Variants in CLCA4 observed in about 807,000 individuals in gnomAD.
CLCA4 encodes chloride channel accessory 4, also known as calcium-activated chloride channel regulator 4.
Under a neutral mutation model 78.9 loss-of-function variants are expected in CLCA4, and 69 were observed. That is an observed-to-expected ratio of 0.87 (90% CI 0.72 to 1.07). The LOEUF is 1.07. CLCA4 is among the 50% of genes least tolerant of loss of function. CLCA4 has a pLI of 0.00. For synonymous variants in CLCA4, 362 were observed against 375.8 expected (o/e 0.96, Z 0.42); for missense variants, 1,133 against 1,095.8 (o/e 1.03, Z -0.48).
chr1:86,560,812 C>A (rs1005464397), intron 3 of CLCA4, among the ~76,000 whole-genome samples: 1 of 152,186 alleles, frequency 6.6e-6, no homozygotes, highest in African/African-American at 2.4e-5. Flanking sequence ...CACTCCTAGG[C>A]TATCAGTTGC....
chr1:86,549,697 A>G (rs986808180), intron 1 of CLCA4, among the ~76,000 whole-genome samples: 1 of 152,214 alleles, frequency 6.6e-6, no homozygotes, highest in African/African-American at 2.4e-5. Context: ...AGGAAATATA[A>G]TAAGAGTCAA....
In CLCA4 at chr1:86,579,572, T is replaced by G; in HGVS notation, c.2341T>G (p.Phe781Val). 1.2e-6 allele frequency: 2 copies of G among 1,612,674 alleles called. No homozygotes were observed. Among genetic ancestry groups the G allele is most frequent in the Non-Finnish European group, 1.7e-6 (2 of 1,179,072 alleles). ...ILTWTAPGDN[F>V]DVGKVQRYII... ...TACATGGACAGCACCAGGAGATAAT[T>G]TTGATGTTGGAAAAGGTAAGGATGA... Residue 781 changes from phenylalanine (F) to valine (V), a missense_variant, in exon 13 of 14, where the codon TTT becomes GTT. Coordinates refer to ENST00000370563, the MANE Select transcript of CLCA4 (RefSeq NM_012128.4).
intron 11 of CLCA4, 97 bp downstream of exon 11, chr1:86,575,696 T>G: frequency 9.2e-7 from 1 of 1,092,042 alleles, no homozygotes; most frequent in Admixed American, 2.0e-5. Flanking sequence ...GGCAACAGAA[T>G]TGATGCAGAT....
chr1:86,559,917 T>C lies in CLCA4; in HGVS notation c.160-15T>C. On this transcript the variant is annotated splice_polypyrimidine_tract_variant and intron_variant, in intron 1 of 13. Transcript: ENST00000370563. ...TAACTTCACCATCCTCACATATTTTTTCCTTTAATGACAGGATATGGTGAC... is the reference window on the plus strand; with the variant it reads ...TAACTTCACCATCCTCACATATTTTCTCCTTTAATGACAGGATATGGTGAC... The C allele has an allele frequency of 1.3e-6, 2 of 1,578,070 alleles. No individual in the cohort carries two copies. Among genetic ancestry groups the C allele is most frequent in the Non-Finnish European group, 1.7e-6 (2 of 1,165,746 alleles).
At chr1:86,574,156 C>A (rs143870204) in intron 9 of CLCA4, among the ~76,000 whole-genome samples, 149 of 152,140 alleles carry the variant, frequency 9.8e-4, no homozygotes, top group African/African-American at 3.1e-3. Flanking sequence ...GGATCCCAAC[C>A]TTTATGTATC....
At position 86,580,239 on chromosome 1, in the gene CLCA4, C is replaced by T; in HGVS notation, c.2654C>T (p.Pro885Leu). 3.7e-6 allele frequency: 6 copies of T among 1,611,094 alleles called. No individual in the cohort carries two copies. The highest frequency in any genetic ancestry group is 5.1e-6 in the Non-Finnish European group (6 of 1,178,072). The change falls in exon 14 of 14, where the codon CCT becomes CTT. Residue 885 changes from proline (P) to leucine (L), a missense_variant. Pro to Leu is a moderately conservative substitution (Grantham distance 98). Coordinates refer to ENST00000370563, the MANE Select transcript of CLCA4 (RefSeq NM_012128.4). ...CCTACACCTACTCCTACTCCTACTC[C>T]TACTCCTGATAAAAGTCATAATTCT... is the stretch of plus-strand genomic sequence containing the variant. Reference protein sequence around the residue: ...IDPTPTPTPTPTPDKSHNSGV... With the variant: ...IDPTPTPTPTLTPDKSHNSGV...
At chr1:86,554,405 T>C (rs1332594670) in intron 1 of CLCA4, among the ~76,000 whole-genome samples, 1 of 151,908 alleles carries the variant, frequency 6.6e-6, no homozygotes, top group Non-Finnish European at 1.5e-5. Flanking sequence ...TGAGACAGAG[T>C]CTCCCTCTGT....
chr1:86,580,409 T>C lies in CLCA4; in HGVS notation c.*64T>C. On this transcript the variant is annotated 3_prime_UTR_variant, in exon 14 of 14. Coordinates refer to ENST00000370563, the MANE Select transcript of CLCA4 (RefSeq NM_012128.4). Reference sequence around the variant, plus strand: ...GAGAGTTTTAAAAAACAAAACAATGTAAGTAAAGGATATTTCTGAATCTTA... The same window carrying C: ...GAGAGTTTTAAAAAACAAAACAATGCAAGTAAAGGATATTTCTGAATCTTA... The C allele has an allele frequency of 4.0e-6, 5 of 1,239,026 alleles. No individual in the cohort carries two copies. Among genetic ancestry groups the C allele is most frequent in the Non-Finnish European group, 5.5e-6 (5 of 914,688 alleles). 76.8% of individuals were successfully genotyped at this position (1,239,026 alleles called of 1,614,324 possible).
Position 86,579,445 on chromosome 1 carries a change from A to G in CLCA4, c.2214A>G (p.Ala738=). Residue 738 remains alanine (A), a synonymous_variant, in exon 13 of 14, where the codon GCA becomes GCG. Transcript: ENST00000370563. ...EDFSRTASGG[A]FVVSQVPSLP... ...TCAGCCGAACAGCATCCGGAGGTGC[A>G]TTTGTGGTATCACAAGTCCCAAGCC... is the stretch of plus-strand genomic sequence containing the variant. 1 of 1,613,378 alleles carries G rather than the reference A, an allele frequency of 6.2e-7. No homozygotes were observed. Among genetic ancestry groups the G allele is most frequent in the African/African-American group, 1.3e-5 (1 of 74,972 alleles).
At position 86,567,502 on chromosome 1, in the gene CLCA4, G is replaced by C. The variant is rs755670977; in HGVS notation, c.1033G>C (p.Gly345Arg). 1 of 1,613,200 alleles carries C rather than the reference G, an allele frequency of 6.2e-7. No homozygotes were observed. The highest frequency in any genetic ancestry group is 1.1e-5 in the South Asian group (1 of 91,044). Reference sequence around the variant, plus strand: ...GACTGTTGAAAATGGATCCTGGGTGGGGATGGTTCACTTTGATAGTACTGC... The same window carrying C: ...GACTGTTGAAAATGGATCCTGGGTGCGGATGGTTCACTTTGATAGTACTGC... ...LQTVENGSWVGMVHFDSTATI... is the reference protein window; with the variant it reads ...LQTVENGSWVRMVHFDSTATI... The change falls in exon 7 of 14, where the codon GGG becomes CGG. Residue 345 changes from glycine (G) to arginine (R), a missense_variant. By Grantham distance (125) the Gly-to-Arg change is moderately radical (BLOSUM62 -2). Coordinates refer to ENST00000370563, the MANE Select transcript of CLCA4 (RefSeq NM_012128.4).
chr1:86,558,799 A>G (rs575562464), intron 1 of CLCA4, among the ~76,000 whole-genome samples: 1 of 152,094 alleles, frequency 6.6e-6, no homozygotes, highest in Non-Finnish European at 1.5e-5. Context: ...CCCTTCCACA[A>G]CACGTGGGGA....
chr1:86,558,226 T>C (rs1254772358), intron 1 of CLCA4, among the ~76,000 whole-genome samples: 3 of 152,200 alleles, frequency 2.0e-5, no homozygotes, highest in Non-Finnish European at 4.4e-5. Context: ...GGATTTGATC[T>C]TGTCATTGTT....
chr1:86,575,027 G>A (rs895589888), intron 10 of CLCA4, among the ~76,000 whole-genome samples: 3 of 152,042 alleles, frequency 2.0e-5, no homozygotes, highest in Non-Finnish European at 4.4e-5. Flanking sequence ...TGGGTAGAGA[G>A]CTACAGGGTC....
At chr1:86,549,173 T>C (rs915345462) in intron 1 of CLCA4, among the ~76,000 whole-genome samples, 2 of 151,522 alleles carry the variant, frequency 1.3e-5, no homozygotes, top group Non-Finnish European at 2.9e-5. Context: ...TGGGGGAGAA[T>C]GTGGGTTGCT....
intron 3 of CLCA4, 24 bp downstream of exon 3, chr1:86,560,382 A>C: frequency 6.2e-7 from 1 of 1,612,070 alleles, no homozygotes; most frequent in Non-Finnish European, 8.5e-7. Context: ...TTAAAAAATA[A>C]TTTTGCAGTG....
rs778117319 is a variant in CLCA4 at position 86,571,128 on chromosome 1, A to C, written c.1234A>C (p.Thr412Pro). 3 of 1,612,744 alleles carry C rather than the reference A, an allele frequency of 1.9e-6. No homozygotes were observed. Among genetic ancestry groups the C allele is most frequent in the Non-Finnish European group, 2.5e-6 (3 of 1,178,960 alleles). ...QLDGSEVLLL[T>P]DGEDNTASSC... The stretch of plus-strand genomic sequence containing the variant: ...CGATGGATCCGAAGTACTGCTGCTG[A>C]CTGATGGGGAGGATAACACTGCAAG... Residue 412 changes from threonine (T) to proline (P), a missense_variant, in exon 8 of 14, where the codon ACT (threonine) becomes CCT (proline). Thr to Pro is a conservative substitution (Grantham distance 38). Coordinates refer to ENST00000370563, the MANE Select transcript of CLCA4 (RefSeq NM_012128.4).
At chr1:86,560,503 G>A (rs749678060) in intron 3 of CLCA4, 145 bp downstream of exon 3, 269 of 734,406 alleles carry the variant, frequency 3.7e-4, no homozygotes, top group Non-Finnish European at 5.2e-4. Context: ...CCTTAAACAA[G>A]TGACCTACTG....
At chr1:86,552,077 A>T (rs1374258754) in intron 1 of CLCA4, among the ~76,000 whole-genome samples, 1 of 152,244 alleles carries the variant, frequency 6.6e-6, no homozygotes, top group East Asian at 1.9e-4. Context: ...AACCTGAAAA[A>T]AATGAAACAC....
chr1:86,575,710 G>A (rs1650494686), intron 11 of CLCA4, 111 bp downstream of exon 11: 1 of 998,488 alleles, frequency 1.0e-6, no homozygotes, highest in South Asian at 1.6e-5. Context: ...TGCAGATTAA[G>A]GAGGAACAGC....
Sources: gnomAD v4.1 joint callset for allele counts (sites outside exome capture counted in the v4.1 genomes callset) on GRCh38, gnomAD v4.1.1 for gene constraint, MANE v1.5 for transcripts, NCBI Gene and HGNC (gene_info 2026-07-23, HGNC 2026-07-21) for gene names.